HR: variants seen among roughly 807,000 people sequenced by gnomAD.
HR encodes HR lysine demethylase and nuclear receptor corepressor.
A neutral mutation model predicts 128.6 loss-of-function variants in HR; 83 were observed. That is an observed-to-expected ratio of 0.65 (90% CI 0.54 to 0.77). The LOEUF is 0.77. Ranked by LOEUF, HR falls within the 30% of genes least tolerant of loss-of-function variation. The pLI is 0.00. For synonymous variants in HR, 681 were observed against 658.2 expected, an observed-to-expected ratio of 1.03 and a Z score of -0.53; for missense variants, 1,490 against 1,574.6, an observed-to-expected ratio of 0.95 and a Z score of 0.91.
chr8:22,129,886 G>A (rs909077553), intron 1 of HR, among the ~76,000 whole-genome samples: 5 of 152,212 alleles, frequency 3.3e-5, no homozygotes, highest in African/African-American at 1.2e-4. Context: ...CAGAGTCCCA[G>A]GACAACTGCA....
In HR at chr8:22,123,629, A is replaced by T; in HGVS notation, c.1915+20T>A. The T allele has an allele frequency of 8.1e-6, 1 of 123,836 alleles. No individual in the cohort carries two copies. 7.7% of individuals were successfully genotyped at this position (123,836 alleles called of 1,614,324 possible). ...CCTGAGGGCTCCATCCCGCCCTCCC[A>T]CCCCCAGCCCCTCTCCTACCTGCTT... On this transcript the variant is annotated intron_variant, in intron 6 of 18. Coordinates refer to ENST00000381418, the MANE Select transcript of HR (RefSeq NM_005144.5).
chr8:22,124,239 C>T (rs772414181), intron 5 of HR, among the ~76,000 whole-genome samples: 1 of 152,142 alleles, frequency 6.6e-6, no homozygotes, highest in Admixed American at 6.5e-5. Flanking sequence ...ACTTTGTTGT[C>T]GTTGTTTTGA....
intron 16 of HR, chr8:22,117,264 G>T (rs1183860686): frequency 3.7e-6 from 2 of 533,728 alleles, no homozygotes; most frequent in Non-Finnish European, 6.5e-6. Flanking sequence ...GGGATTCAAG[G>T]CCCTACAGTT....
chr8:22,123,617 T>TGGGGGGGGGCC, intron 6 of HR, 32 bp downstream of exon 6: 13 of 292,088 alleles, frequency 4.5e-5, no homozygotes, highest in Non-Finnish European at 8.1e-5. Flanking sequence ...GAGGGCTCCA[T>TGGGGGGGGGCC]CCCGCCCTCC....
At position 22,123,717 on chromosome 8, in the gene HR, C is replaced by G; in HGVS notation, c.1847G>C (p.Arg616Pro). Residue 616 changes from arginine to proline, a missense_variant, in exon 6 of 19, where the codon CGC becomes CCC. Physicochemically the swap from Arg to Pro is moderately radical, Grantham distance 103. Coordinates refer to ENST00000381418, the MANE Select transcript of HR (RefSeq NM_005144.5). ...GGCCACACACAGCCGGTGGCTGCAG[C>G]GGGGACATCGCCAGTGGGTGTTGAA... ...GLFNTHWRCP[R>P]CSHRLCVACG... The G allele has an allele frequency of 6.3e-7, 1 of 1,579,742 alleles. No homozygotes were observed. The highest frequency in any genetic ancestry group is 8.6e-7 in the Non-Finnish European group (1 of 1,168,748).
At chr8:22,124,132 A>G (rs932162515) in intron 5 of HR, among the ~76,000 whole-genome samples, 1 of 152,112 alleles carries the variant, frequency 6.6e-6, no homozygotes, top group Non-Finnish European at 1.5e-5. Flanking sequence ...ATTAATCCAC[A>G]CCACTTCTAG....
At chr8:22,126,702 CCCAGAGA>C (rs1826898571) in intron 3 of HR, among the ~76,000 whole-genome samples, 1 of 152,184 alleles carries the variant, frequency 6.6e-6, no homozygotes, top group Non-Finnish European at 1.5e-5. Context: ...GTAACTGAGG[CCCAGAGA>C]GGCGAAGCAA....
intron 5 of HR, 114 bp from the exon 6 acceptor site, chr8:22,123,927 G>T: frequency 8.0e-7 from 1 of 1,249,588 alleles, no homozygotes; most frequent in South Asian, 1.3e-5. Context: ...AGCTTCCATG[G>T]AGAGGGCCCC....
At chr8:22,122,106 C>T (rs1009309913) in intron 8 of HR, among the ~76,000 whole-genome samples, 4 of 152,164 alleles carry the variant, frequency 2.6e-5, no homozygotes, top group Non-Finnish European at 5.9e-5. Context: ...AAAAACTTTG[C>T]AGAATGCACA....
In HR at chr8:22,125,699, G is replaced by A. The variant is rs141129100; in HGVS notation, c.1439C>T (p.Pro480Leu). 73 of 1,613,882 alleles carry A rather than the reference G, an allele frequency of 4.5e-5. No individual in the cohort carries two copies. The African/African-American group carries it at 7.7e-4, about 17-fold the overall frequency. ...PQDGQASLQD[P>L]GLQDIPCLAL... ...CAGGCATGGTATGTCCTGAAGTCCC[G>A]GGTCCTGGAGACTGGCCTGGCCATC... is the stretch of plus-strand genomic sequence containing the variant. The change falls in exon 4 of 19, where the codon CCG becomes CTG. Residue 480 changes from proline to leucine, a missense_variant. Pro to Leu is a moderately conservative substitution (Grantham distance 98). Coordinates refer to ENST00000381418, the MANE Select transcript of HR (RefSeq NM_005144.5).
Position 22,128,756 on chromosome 8 carries a change from G to T in HR, c.415C>A (p.Arg139=), listed in dbSNP as rs148782064. 6.2e-7 allele frequency: 1 copy of T among 1,602,770 alleles called. No homozygotes were observed. Among genetic ancestry groups the T allele is most frequent in the South Asian group, 1.1e-5 (1 of 89,604 alleles). The change falls in exon 2 of 19, where the codon CGG becomes AGG. Residue 139 remains arginine, a synonymous_variant. Transcript: ENST00000381418. ...AGAAGGAAAGGGCAGTGCCAGGGCC[G>T]GAAGGCCACAGGGTCACTCTTGAGA... ...GHLKSDPVAF[R]PWHCPFLLET... is the part of the protein sequence containing the mutation.
intron 6 of HR, 32 bp downstream of exon 6, chr8:22,123,617 T>TAACCCC: frequency 6.8e-6 from 2 of 292,092 alleles, no homozygotes; most frequent in South Asian, 3.0e-5. Flanking sequence ...GAGGGCTCCA[T>TAACCCC]CCCGCCCTCC....
rs773004136 is a variant in HR at position 22,126,996 on chromosome 8, C to T, written c.1405+41G>A. ...ATGCGAAGCCCCAGCCCCGGCTGCC[C>T]CCTCCCACGCAGGGCCTGCAGCCCC... On this transcript the variant is annotated intron_variant, in intron 3 of 18. Transcript: ENST00000381418. 8 of 1,578,504 alleles carry T rather than the reference C, an allele frequency of 5.1e-6. No homozygotes were observed. In the Admixed American group the frequency reaches 1.2e-4, roughly 24 times the overall value.
chr8:22,122,551 C>T lies in HR; in HGVS notation c.2063G>A (p.Gly688Glu). ...HQVWVKFDIR[G>E]HCPCQADARV... Reference sequence around the variant, plus strand: ...GGCATCAGCTTGGCAGGGGCAGTGCCCCCGGATATCAAACTTGACCCAGAC... The same window carrying T: ...GGCATCAGCTTGGCAGGGGCAGTGCTCCCGGATATCAAACTTGACCCAGAC... Residue 688 changes from glycine (G) to glutamate (E), a missense_variant, in exon 8 of 19, where the codon GGG (glycine) becomes GAG (glutamate). Physicochemically the swap from Gly to Glu is moderately conservative, Grantham distance 98 (BLOSUM62 -2). Transcript: ENST00000381418. The T allele has an allele frequency of 1.2e-6, 2 of 1,612,290 alleles. No individual in the cohort carries two copies. The highest frequency in any genetic ancestry group is 1.7e-6 in the Non-Finnish European group (2 of 1,179,616).
In HR at chr8:22,125,346, C is replaced by T. The variant is rs1460727713; in HGVS notation, c.1715G>A (p.Arg572Lys). The part of the protein sequence containing the change: ...LGDRLCRLLR[R>K]EREALAWAQR... ...GGCCCAAGCCAGGGCCTCCCGCTCCCTCCGCAGCAGGCGGCACAGTCGGTC... is the reference window on the plus strand; with the variant it reads ...GGCCCAAGCCAGGGCCTCCCGCTCCTTCCGCAGCAGGCGGCACAGTCGGTC... The change falls in exon 5 of 19, where the codon AGG becomes AAG. Residue 572 changes from arginine to lysine, a missense_variant. Around this residue, in one of 3 missense-constraint regions of HR, gnomAD observed 1,060 missense variants for 1,060.9 expected, o/e 1.00. Coordinates refer to ENST00000381418, the MANE Select transcript of HR (RefSeq NM_005144.5). The T allele has an allele frequency of 4.4e-6, 7 of 1,599,662 alleles. No individual in the cohort carries two copies. Among genetic ancestry groups the T allele is most frequent in the Non-Finnish European group, 5.1e-6 (6 of 1,174,092 alleles).
chr8:22,128,554 C>G lies in HR; in HGVS notation c.612+5G>C. The G allele has an allele frequency of 6.2e-7, 1 of 1,611,746 alleles. No homozygotes were observed. The highest frequency in any genetic ancestry group is 8.5e-7 in the Non-Finnish European group (1 of 1,179,562). The stretch of plus-strand genomic sequence containing the variant: ...CACAGGTACCCTCTCTGCCCCTGCA[C>G]TCACCTTGCTGCCTAAGCTGAAGGC... On this transcript the variant is annotated splice_donor_5th_base_variant and intron_variant, in intron 2 of 18. Transcript: ENST00000381418.
Position 22,115,468 on chromosome 8 carries a change from G to A in HR, c.*232C>T. 3.3e-6 allele frequency: 2 copies of A among 609,098 alleles called. No individual in the cohort carries two copies. The highest frequency in any genetic ancestry group is 3.0e-6 in the Non-Finnish European group (1 of 337,264). 37.7% of individuals were successfully genotyped at this position (609,098 alleles called of 1,614,324 possible). On this transcript the variant is annotated 3_prime_UTR_variant, in exon 19 of 19. Coordinates refer to ENST00000381418, the MANE Select transcript of HR (RefSeq NM_005144.5). ...TGCGGGCCTGGTACCATGAAAAGGG[G>A]CACAGGGTGGGGGAGATGCCAGCCT...
In HR at chr8:22,125,321, G is replaced by A. The variant is rs749383301; in HGVS notation, c.1740C>T (p.Ala580=). 4 of 1,579,450 alleles carry A rather than the reference G, an allele frequency of 2.5e-6. No homozygotes were observed. In the South Asian group the frequency reaches 3.5e-5, roughly 14 times the overall value. ...GGAGGTCCTGTTCACCTTCCCGCTG[G>A]GCCCAAGCCAGGGCCTCCCGCTCCC... ...LRREREALAW[A]QREGQGPAVT... is the part of the protein sequence containing the mutation. Residue 580 remains alanine (A), a synonymous_variant, in exon 5 of 19, where the codon GCC becomes GCT. Coordinates refer to ENST00000381418, the MANE Select transcript of HR (RefSeq NM_005144.5).
At position 22,127,298 on chromosome 8, in the gene HR, T is replaced by A. The variant is rs1826921692; in HGVS notation, c.1144A>T (p.Thr382Ser). The change falls in exon 3 of 19, where the codon ACA (threonine) becomes TCA (serine). Residue 382 changes from threonine (T) to serine (S), a missense_variant. Transcript: ENST00000381418. ...TGCTCCGAGTGCCGTGTGAGCCATG[T>A]CTTCTTCAGCTTGGTGTGGTGGCTG... ...PPSHHTKLKK[T>S]WLTRHSEQFE... is the part of the protein sequence containing the mutation. The A allele has an allele frequency of 6.2e-7, 1 of 1,613,330 alleles. No individual in the cohort carries two copies. The highest frequency in any genetic ancestry group is 1.3e-5 in the African/African-American group (1 of 75,042).
Sources: gnomAD v4.1 joint callset for allele counts (sites outside exome capture counted in the v4.1 genomes callset) on GRCh38, gnomAD v4.1.1 for gene constraint, gnomAD v4.1.1 regional missense constraint, MANE v1.5 for transcripts, NCBI Gene and HGNC (gene_info 2026-07-23, HGNC 2026-07-21) for gene names.